PCDHGC3: variants seen among roughly 807,000 people sequenced by gnomAD.
PCDHGC3 encodes the protein protocadherin gamma-C3.
Under a neutral mutation model 59.2 loss-of-function variants are expected in PCDHGC3, and 26 were observed. The observed-to-expected ratio is 0.44, with a 90% CI of 0.32 to 0.61. The LOEUF (loss-of-function observed/expected upper bound fraction) is 0.61, where lower values mean the gene tolerates loss of function less well. Ranked by LOEUF, PCDHGC3 falls within the 20% of genes least tolerant of loss-of-function variation. PCDHGC3 has a pLI of 0.05. For synonymous variants in PCDHGC3, 487 were observed against 519.7 expected, an observed-to-expected ratio of 0.94 and a Z score of 0.86; for missense variants, 1,080 against 1,221.8, an observed-to-expected ratio of 0.88 and a Z score of 1.73.
Position 141,491,905 on chromosome 5 carries a change from G to A in PCDHGC3, c.2431-2902G>A. 7.1e-7 allele frequency: 1 copy of A among 1,418,328 alleles called. No individual in the cohort carries two copies. Among genetic ancestry groups the A allele is most frequent in the Non-Finnish European group, 9.3e-7 (1 of 1,069,952 alleles). 87.9% of individuals were successfully genotyped at this position (1,418,328 alleles called of 1,614,324 possible). ...GATGGGGCTCCGAGCACCGGGGGTG[G>A]TGGCGACTGTGGGCGAGGGGAGGTG... On this transcript the variant is annotated intron_variant, in intron 1 of 3. Transcript: ENST00000308177. This position sits in a 1 kb window ranked among gnomAD's most constrained non-coding sequence, Gnocchi z 6.9.
Position 141,476,290 on chromosome 5 carries a change from C to G in PCDHGC3, c.174C>G (p.Leu58=), listed in dbSNP as rs768208156. The part of the protein sequence containing the change: ...GNVVANLGLD[L]GSLSARRFRV... The stretch of plus-strand genomic sequence containing the variant: ...TGGTCGCGAACCTTGGTTTGGATCT[C>G]GGTAGCCTCTCAGCCCGCAGGTTCC... The change falls in exon 1 of 4, where the codon CTC becomes CTG. Residue 58 remains leucine (L), a synonymous_variant. Coordinates refer to ENST00000308177, the MANE Select transcript of PCDHGC3 (RefSeq NM_002588.4). The surrounding 1 kb of genome is among the most constrained non-coding windows in gnomAD (Gnocchi z 7.6). 1 of 1,614,050 alleles carries G rather than the reference C, an allele frequency of 6.2e-7. No homozygotes were observed. The highest frequency in any genetic ancestry group is 1.7e-5 in the Admixed American group (1 of 60,012).
chr5:141,476,756 C>T lies in PCDHGC3; in HGVS notation c.640C>T (p.Leu214=). The change falls in exon 1 of 4, where the codon CTG becomes TTG. Residue 214 remains leucine (L), a synonymous_variant. Transcript: ENST00000308177. The surrounding 1 kb of genome is among the most constrained non-coding windows in gnomAD (Gnocchi z 7.6). ...ACGGGAGCCTAGTCTCCAGTTAGTGCTGACGGCGTTGGACGGAGGGACCCC... is the reference window on the plus strand; with the variant it reads ...ACGGGAGCCTAGTCTCCAGTTAGTGTTGACGGCGTTGGACGGAGGGACCCC... The part of the protein sequence containing the change: ...REREPSLQLV[L]TALDGGTPAL... 3 of 1,613,928 alleles carry T rather than the reference C, an allele frequency of 1.9e-6. No homozygotes were observed. Among genetic ancestry groups the T allele is most frequent in the Non-Finnish European group, 2.5e-6 (3 of 1,180,010 alleles).
chr5:141,489,080 C>CCCA lies in PCDHGC3; in HGVS notation c.2431-5727_2431-5726insCCA. On this transcript the variant is annotated intron_variant, in intron 1 of 3. Coordinates refer to ENST00000308177, the MANE Select transcript of PCDHGC3 (RefSeq NM_002588.4). This position sits in a 1 kb window ranked among gnomAD's most constrained non-coding sequence, Gnocchi z 4.5. ...TCCCCTCCCCCCTGCCCACCCCCGC[C>CCCA]ACTCGGTGACTAAGAACTGCTGCAA... 3.0e-6 allele frequency: 1 copy of CCCA among 336,172 alleles called. No individual in the cohort carries two copies. The highest frequency in any genetic ancestry group is 5.5e-5 in the East Asian group (1 of 18,342). 20.8% of individuals were successfully genotyped at this position (336,172 alleles called of 1,614,324 possible).
rs544565104 is a variant in PCDHGC3, at chr5:141,489,014, G to A, written c.2431-5793G>A. 2.5e-5 allele frequency: 11 copies of A among 433,976 alleles called. No individual in the cohort carries two copies. The highest frequency in any genetic ancestry group is 1.6e-4 in the Admixed American group (4 of 25,754). The allele number at this position is 433,976 out of a possible 1,614,324, so 26.9% of individuals were successfully genotyped here. On this transcript the variant is annotated intron_variant, in intron 1 of 3. Coordinates refer to ENST00000308177, the MANE Select transcript of PCDHGC3 (RefSeq NM_002588.4). This position sits in a 1 kb window ranked among gnomAD's most constrained non-coding sequence, Gnocchi z 4.5. ...GGTGGGAGATCTGCTCTTCCAGCCC[G>A]CCTCTCCTCCTCCAGCTCCCCAGCT... is the stretch of plus-strand genomic sequence containing the variant.
intron 3 of PCDHGC3, among the ~76,000 whole-genome samples, chr5:141,510,533 C>A (rs1366903068): frequency 6.6e-6 from 1 of 152,118 alleles, no homozygotes; most frequent in Non-Finnish European, 1.5e-5. Flanking sequence ...GAGAGAAATA[C>A]CAGCGAATGT....
chr5:141,500,173 T>G (rs1666567886), intron 2 of PCDHGC3, among the ~76,000 whole-genome samples: 1 of 149,340 alleles, frequency 6.7e-6, no homozygotes, highest in East Asian at 1.9e-4. Context: ...ATGCATGAGC[T>G]TCATTTTTAT....
chr5:141,487,314 A>G lies in PCDHGC3; in HGVS notation c.2431-7493A>G. ...GGCTCATTCGTGGCACTACTCTCTAAGTGTCTTCGTGGGGCAGCCTGTGGA... is the reference window on the plus strand; with the variant it reads ...GGCTCATTCGTGGCACTACTCTCTAGGTGTCTTCGTGGGGCAGCCTGTGGA... On this transcript the variant is annotated intron_variant, in intron 1 of 3. Transcript: ENST00000308177. The surrounding 1 kb of genome is among the most constrained non-coding windows in gnomAD (Gnocchi z 5.0). The G allele has an allele frequency of 6.2e-7, 1 of 1,614,002 alleles. No individual in the cohort carries two copies. Among genetic ancestry groups the G allele is most frequent in the African/African-American group, 1.3e-5 (1 of 74,994 alleles).
At position 141,477,197 on chromosome 5, in the gene PCDHGC3, G is replaced by A. The variant is rs781504885; in HGVS notation, c.1081G>A (p.Val361Ile). ...EITVTSVYSP[V>I]PEDAPLGTVI... ...CACAGTCACCTCCGTGTACAGCCCA[G>A]TACCCGAGGATGCCCCTCTGGGGAC... The change falls in exon 1 of 4, where the codon GTA (valine) becomes ATA (isoleucine). Residue 361 changes from valine (V) to isoleucine (I), a missense_variant. Val to Ile is a conservative substitution (Grantham distance 29). Coordinates refer to ENST00000308177, the MANE Select transcript of PCDHGC3 (RefSeq NM_002588.4). The surrounding 1 kb of genome is among the most constrained non-coding windows in gnomAD (Gnocchi z 4.9). 1 of 1,614,210 alleles carries A rather than the reference G, an allele frequency of 6.2e-7. No homozygotes were observed. Among genetic ancestry groups the A allele is most frequent in the East Asian group, 2.2e-5 (1 of 44,874 alleles).
At chr5:141,508,896 C>A (rs1171693212) in intron 3 of PCDHGC3, among the ~76,000 whole-genome samples, 1 of 151,862 alleles carries the variant, frequency 6.6e-6, no homozygotes, top group Non-Finnish European at 1.5e-5. Context: ...GGGGAGGGGG[C>A]GGGGCGGTGG....
At chr5:141,505,592 A>G in intron 3 of PCDHGC3, 111 bp downstream of exon 3, 1 of 1,567,266 alleles carries the variant, frequency 6.4e-7, no homozygotes. Context: ...GTTTCTCCAG[A>G]TCTTTCGGCA....
Position 141,490,975 on chromosome 5 carries a change from C to T in PCDHGC3, c.2431-3832C>T. 1 of 1,614,056 alleles carries T rather than the reference C, an allele frequency of 6.2e-7. No individual in the cohort carries two copies. Among genetic ancestry groups the T allele is most frequent in the African/African-American group, 1.3e-5 (1 of 75,070 alleles). ...CTGGGAACACTCAGCCCCCCAGCGT[C>T]TCCCTCGCTCTGCTCCTCCTGGCTC... On this transcript the variant is annotated intron_variant, in intron 1 of 3. Coordinates refer to ENST00000308177, the MANE Select transcript of PCDHGC3 (RefSeq NM_002588.4). This position sits in a 1 kb window ranked among gnomAD's most constrained non-coding sequence, Gnocchi z 5.4.
chr5:141,486,379 G>A lies in PCDHGC3; in HGVS notation c.2430+7833G>A. 2 of 1,614,094 alleles carry A rather than the reference G, an allele frequency of 1.2e-6. No individual in the cohort carries two copies. Among genetic ancestry groups the A allele is most frequent in the Non-Finnish European group, 1.7e-6 (2 of 1,180,000 alleles). ...CATTTGCCCTCAAGTCTGCCTTCAG[G>A]AACCAGTTCTCCCTGGTGACTGCTG... On this transcript the variant is annotated intron_variant, in intron 1 of 3. Transcript: ENST00000308177. The surrounding 1 kb of genome is among the most constrained non-coding windows in gnomAD (Gnocchi z 5.0).
Position 141,477,209 on chromosome 5 carries a change from G to A in PCDHGC3, c.1093G>A (p.Ala365Thr). Reference protein sequence around the residue: ...TSVYSPVPEDAPLGTVIALLS... With the variant: ...TSVYSPVPEDTPLGTVIALLS... ...CGTGTACAGCCCAGTACCCGAGGAT[G>A]CCCCTCTGGGGACTGTCATCGCTTT... is the stretch of plus-strand genomic sequence containing the variant. Residue 365 changes from alanine (A) to threonine (T), a missense_variant, in exon 1 of 4, where the codon GCC (alanine) becomes ACC (threonine). Coordinates refer to ENST00000308177, the MANE Select transcript of PCDHGC3 (RefSeq NM_002588.4). This position sits in a 1 kb window ranked among gnomAD's most constrained non-coding sequence, Gnocchi z 4.9. The A allele has an allele frequency of 6.2e-7, 1 of 1,614,194 alleles. No homozygotes were observed.
In PCDHGC3 at chr5:141,487,494, C is replaced by T. The variant is rs116370895; in HGVS notation, c.2431-7313C>T. 12 of 1,614,120 alleles carry T rather than the reference C, an allele frequency of 7.4e-6. No individual in the cohort carries two copies. The East Asian group carries it at 1.1e-4, about 15-fold the overall frequency. On this transcript the variant is annotated intron_variant, in intron 1 of 3. Transcript: ENST00000308177. The surrounding 1 kb of genome is among the most constrained non-coding windows in gnomAD (Gnocchi z 5.0). Reference sequence around the variant, plus strand: ...GGAGGCCACTCTCATGGCTGTACACCCTTGGCTTCTGCACCCACTCGGAGT... The same window carrying T: ...GGAGGCCACTCTCATGGCTGTACACTCTTGGCTTCTGCACCCACTCGGAGT...
Position 141,490,693 on chromosome 5 carries a change from G to A in PCDHGC3, c.2431-4114G>A. On this transcript the variant is annotated intron_variant, in intron 1 of 3. Coordinates refer to ENST00000308177, the MANE Select transcript of PCDHGC3 (RefSeq NM_002588.4). This position sits in a 1 kb window ranked among gnomAD's most constrained non-coding sequence, Gnocchi z 5.4. ...GGCTGCCTCAGATCCAGACACTGGGGATAATGCCCGCCTCACCTACTCCAT... is the reference window on the plus strand; with the variant it reads ...GGCTGCCTCAGATCCAGACACTGGGAATAATGCCCGCCTCACCTACTCCAT... 1.9e-6 allele frequency: 3 copies of A among 1,614,170 alleles called. No homozygotes were observed. Among genetic ancestry groups the A allele is most frequent in the Non-Finnish European group, 2.5e-6 (3 of 1,180,018 alleles).
chr5:141,506,666 C>A (rs894880559), intron 3 of PCDHGC3, among the ~76,000 whole-genome samples: 2 of 152,120 alleles, frequency 1.3e-5, no homozygotes, highest in South Asian at 4.1e-4. Context: ...AGAGTAAGGG[C>A]ACAATATATT....
chr5:141,505,317 G>A, intron 2 of PCDHGC3, 76 bp from the exon 3 acceptor site: 1 of 1,603,092 alleles, frequency 6.2e-7, no homozygotes, highest in Non-Finnish European at 8.5e-7. Flanking sequence ...AGGTTTGGGA[G>A]CCCTGGGAGA....
Position 141,477,779 on chromosome 5 carries a change from A to G in PCDHGC3, c.1663A>G (p.Ile555Val), listed in dbSNP as rs781567883. The part of the protein sequence containing the change: ...PVLATNISVN[I>V]FVTDRNDNAP... ...CCTAGCCACCAACATCAGCGTGAAC[A>G]TATTTGTCACTGATCGCAATGACAA... Residue 555 changes from isoleucine (I) to valine (V), a missense_variant, in exon 1 of 4, where the codon ATA becomes GTA. Coordinates refer to ENST00000308177, the MANE Select transcript of PCDHGC3 (RefSeq NM_002588.4). This position sits in a 1 kb window ranked among gnomAD's most constrained non-coding sequence, Gnocchi z 4.9. 5.6e-6 allele frequency: 9 copies of G among 1,613,894 alleles called. No homozygotes were observed. Among genetic ancestry groups the G allele is most frequent in the South Asian group, 5.5e-5 (5 of 91,084 alleles).
chr5:141,489,085 G>A lies in PCDHGC3; in HGVS notation c.2431-5722G>A, dbSNP rs1347512723. The A allele has an allele frequency of 2.6e-5, 6 of 230,066 alleles. No homozygotes were observed. The South Asian group carries it at 4.3e-4, about 16-fold the overall frequency. 14.3% of individuals were successfully genotyped at this position (230,066 alleles called of 1,614,324 possible). A position where few individuals can be genotyped will look rare whatever the true frequency, so the allele number is the denominator to read the frequency against. Reference sequence around the variant, plus strand: ...TCCCCCCTGCCCACCCCCGCCACTCGGTGACTAAGAACTGCTGCAAGCAGG... The same window carrying A: ...TCCCCCCTGCCCACCCCCGCCACTCAGTGACTAAGAACTGCTGCAAGCAGG... On this transcript the variant is annotated intron_variant, in intron 1 of 3. Coordinates refer to ENST00000308177, the MANE Select transcript of PCDHGC3 (RefSeq NM_002588.4). The surrounding 1 kb of genome is among the most constrained non-coding windows in gnomAD (Gnocchi z 4.5).
Sources: allele counts gnomAD v4.1 joint callset (sites outside exome capture counted in the v4.1 genomes callset), GRCh38; gene constraint gnomAD v4.1.1; non-coding constraint Gnocchi (gnomAD v3.1); transcripts MANE v1.5; gene names NCBI Gene and HGNC (gene_info 2026-07-23, HGNC 2026-07-21).